The following GRXCR1 variants were observed in gnomAD, a reference collection of about 807,000 sequenced individuals.
The protein encoded by GRXCR1 is glutaredoxin domain-containing cysteine-rich protein 1.
A neutral mutation model predicts 27.3 loss-of-function variants in GRXCR1; 27 were observed. The ratio of observed to expected loss-of-function variants is 0.99; its 90% CI spans 0.73 to 1.37. The LOEUF (loss-of-function observed/expected upper bound fraction) is 1.37. GRXCR1 is among the 40% of genes most tolerant of loss of function. The probability of loss-of-function intolerance (pLI) is 0.00; values close to 1 mark genes in which losing one functional copy is unlikely to be tolerated. For missense variants in GRXCR1, 379 were observed against 354.4 expected, an observed-to-expected ratio of 1.07 and a Z score of -0.56; for synonymous variants, 122 against 131.1, an observed-to-expected ratio of 0.93 and a Z score of 0.47.
At chr4:42,952,846 A>C (rs1454054194) in intron 1 of GRXCR1, among the ~76,000 whole-genome samples, 1 of 152,162 alleles carries the variant, frequency 6.6e-6, no homozygotes, top group African/African-American at 2.4e-5. Context: ...CTAATAATTC[A>C]TATCCCTTTG....
chr4:43,019,371 C>A (rs773539515), intron 2 of GRXCR1, among the ~76,000 whole-genome samples: 2 of 152,134 alleles, frequency 1.3e-5, no homozygotes, highest in African/African-American at 2.4e-5. Flanking sequence ...CTGCTTGGCA[C>A]CCTGCTTAGC....
chr4:43,007,369 A>G (rs1712596336), intron 2 of GRXCR1, among the ~76,000 whole-genome samples: 1 of 152,176 alleles, frequency 6.6e-6, no homozygotes. Context: ...AGGTAGGGTT[A>G]GAGAGTTAGA....
intron 1 of GRXCR1, among the ~76,000 whole-genome samples, chr4:42,911,582 G>A (rs1746723550): frequency 6.6e-6 from 1 of 151,976 alleles, no homozygotes; most frequent in African/African-American, 2.4e-5. Context: ...AGGGCAACTA[G>A]GTTTCCAAGC....
intron 1 of GRXCR1, among the ~76,000 whole-genome samples, chr4:42,940,854 T>C (rs1577914248): frequency 6.6e-6 from 1 of 152,078 alleles, no homozygotes; most frequent in East Asian, 1.9e-4. Context: ...AATAATTTTA[T>C]TTACTACTTT....
chr4:42,954,549 C>A (rs1431216506), intron 1 of GRXCR1, among the ~76,000 whole-genome samples: 7 of 152,108 alleles, frequency 4.6e-5, no homozygotes, highest in Admixed American at 3.3e-4. Context: ...GTCTATAAAA[C>A]CTGGGCCATA....
intron 2 of GRXCR1, among the ~76,000 whole-genome samples, chr4:42,993,408 T>C (rs1212741506): frequency 6.6e-6 from 1 of 152,088 alleles, no homozygotes; most frequent in Non-Finnish European, 1.5e-5. Context: ...CTTTAAACTA[T>C]ATGTTCTAGT....
At chr4:42,910,482 C>T (rs1746697760) in intron 1 of GRXCR1, among the ~76,000 whole-genome samples, 1 of 152,102 alleles carries the variant, frequency 6.6e-6, no homozygotes, top group South Asian at 2.1e-4. Flanking sequence ...ACTTATACTC[C>T]TGGGCTACAT....
chr4:42,984,059 C>T (rs372305182), intron 2 of GRXCR1, among the ~76,000 whole-genome samples: 1 of 152,282 alleles, frequency 6.6e-6, no homozygotes, highest in East Asian at 1.9e-4. Context: ...TGGTCTCGAA[C>T]TCCTGACCTC....
intron 2 of GRXCR1, among the ~76,000 whole-genome samples, chr4:43,016,985 C>A (rs1045975432): frequency 2.6e-5 from 4 of 152,186 alleles, no homozygotes; most frequent in African/African-American, 9.7e-5. Context: ...TCACATGTTA[C>A]AGCTCACTGC....
At chr4:42,897,061 A>C (rs13132864) in intron 1 of GRXCR1, among the ~76,000 whole-genome samples, 47,715 of 151,986 alleles carry the variant, frequency 0.31, 8,331 homozygotes, top group Middle Eastern at 0.4. Context: ...ATTACTGGAA[A>C]ATTTTAAAAA....
rs137993886 is a variant in GRXCR1, at chr4:42,910,377, T to C, written c.384+16727T>C. Among the ~76,000 whole-genome samples the C allele has an allele frequency of 2.4e-4, 37 of 151,670 alleles. No homozygotes were observed. The East Asian group carries it at 3.3e-3, about 14-fold the overall frequency. On this transcript the variant is annotated intron_variant, in intron 1 of 3. Transcript: ENST00000399770. ...AGGGCCTTCTGAGGAATATTTAGAA[T>C]GACTTTCAGAATCTACACCACCCAG... is the stretch of plus-strand genomic sequence containing the variant.
At chr4:42,952,346 G>C (rs532050822) in intron 1 of GRXCR1, among the ~76,000 whole-genome samples, 1 of 152,200 alleles carries the variant, frequency 6.6e-6, no homozygotes, top group East Asian at 1.9e-4. Flanking sequence ...AGGCAGCTGA[G>C]AGCCGTTAGC....
At chr4:43,027,442 G>A (rs1178444187) in intron 3 of GRXCR1, among the ~76,000 whole-genome samples, 1 of 152,204 alleles carries the variant, frequency 6.6e-6, no homozygotes, top group Non-Finnish European at 1.5e-5. Flanking sequence ...CTTGGTATTA[G>A]TGAATTTAAC....
intron 2 of GRXCR1, among the ~76,000 whole-genome samples, chr4:42,990,380 A>C (rs1313540738): frequency 6.7e-6 from 1 of 149,044 alleles, no homozygotes; most frequent in Non-Finnish European, 1.5e-5. Flanking sequence ...TTTAGTAGAG[A>C]CGGGGTTTCA....
chr4:43,009,870 T>C (rs1174879209), intron 2 of GRXCR1, among the ~76,000 whole-genome samples: 2 of 152,044 alleles, frequency 1.3e-5, no homozygotes, highest in Non-Finnish European at 2.9e-5. Flanking sequence ...TTTCTATATA[T>C]CTATCTATGT....
At chr4:43,022,448 T>C (rs555546740) in intron 3 of GRXCR1, among the ~76,000 whole-genome samples, 1 of 152,180 alleles carries the variant, frequency 6.6e-6, no homozygotes, top group African/African-American at 2.4e-5. Context: ...AAAGAAGATG[T>C]TTTTCTCTTC....
chr4:42,932,317 TC>T (rs896571530), intron 1 of GRXCR1, among the ~76,000 whole-genome samples: 8 of 151,754 alleles, frequency 5.3e-5, no homozygotes, highest in Non-Finnish European at 1.0e-4. Context: ...TTCTGTTCAG[TC>T]CCTGGAATAT....
chr4:42,893,879 C>T (rs896535638), intron 1 of GRXCR1, among the ~76,000 whole-genome samples: 1 of 152,110 alleles, frequency 6.6e-6, no homozygotes, highest in Non-Finnish European at 1.5e-5. Flanking sequence ...CATAAGTGGT[C>T]TTTTTTTCCT....
chr4:42,913,101 T>C (rs1219605883), intron 1 of GRXCR1, among the ~76,000 whole-genome samples: 2 of 152,182 alleles, frequency 1.3e-5, no homozygotes, highest in Non-Finnish European at 2.9e-5. Context: ...GTTTTCTTTA[T>C]AAATTACCCA....
Sources: allele counts gnomAD v4.1 joint callset (sites outside exome capture counted in the v4.1 genomes callset), GRCh38; gene constraint gnomAD v4.1.1; transcripts MANE v1.5; gene names NCBI Gene and HGNC (gene_info 2026-07-23, HGNC 2026-07-21).